Variants in CNTNAP3 observed in about 807,000 individuals in gnomAD.
The protein encoded by CNTNAP3 is contactin-associated protein-like 3.
Under a neutral mutation model 92.1 loss-of-function variants are expected in CNTNAP3, and 36 were observed. The observed-to-expected ratio is 0.39, with a 90% CI of 0.30 to 0.52. The LOEUF (loss-of-function observed/expected upper bound fraction) is 0.52, where lower values mean the gene tolerates loss of function less well. CNTNAP3 is among the 20% of genes least tolerant of loss of function. CNTNAP3 has a pLI of 0.76. For synonymous variants in CNTNAP3, 232 were observed against 422.3 expected, an observed-to-expected ratio of 0.55 and a Z score of 5.53; for missense variants, 534 against 1,069.6, an observed-to-expected ratio of 0.50 and a Z score of 6.98.
At chr9:39,159,636 ATAGATAG>A (rs1822038884) in intron 9 of CNTNAP3, 1 of 135,308 alleles carries the variant, frequency 7.4e-6, no homozygotes, top group Non-Finnish European at 1.5e-5. Context: ...CTGGAGATAG[ATAGATAG>A]ATAGATAGAT....
chr9:39,184,121 G>T (rs1257438099), intron 4 of CNTNAP3, among the ~76,000 whole-genome samples: 6 of 143,570 alleles, frequency 4.2e-5, no homozygotes, highest in Admixed American at 4.1e-4. Flanking sequence ...TATTGCTTGG[G>T]GTATTCAACT....
intron 13 of CNTNAP3, among the ~76,000 whole-genome samples, chr9:39,132,186 T>C (rs1821309821): frequency 6.6e-6 from 1 of 152,078 alleles, no homozygotes; most frequent in Non-Finnish European, 1.5e-5. Flanking sequence ...CAAATTTCAG[T>C]ATTTAACTAT....
rs1322493756 is a variant in CNTNAP3 at position 39,132,950 on chromosome 9, G to C, written c.2062C>G (p.Arg688Gly). The C allele has an allele frequency of 2.6e-6, 4 of 1,546,100 alleles. No homozygotes were observed. The highest frequency in any genetic ancestry group is 1.9e-5 in the Admixed American group (1 of 51,788). ...QRLALRCGTA[R>G]RPDSRDGTPL... ...CGCTTACCTCGTGAGTCCGGGCGCC[G>C]CGCCGTCCCGCAGCGCAGAGCCAGC... Residue 688 changes from arginine (R) to glycine (G), a missense_variant, in exon 13 of 24, where the codon CGG (arginine) becomes GGG (glycine). Coordinates refer to ENST00000297668, the MANE Select transcript of CNTNAP3 (RefSeq NM_033655.5).
At chr9:39,107,366 A>AAGGG (rs1374129043) in intron 15 of CNTNAP3, among the ~76,000 whole-genome samples, 7 of 145,752 alleles carry the variant, frequency 4.8e-5, no homozygotes, top group African/African-American at 1.7e-4. Flanking sequence ...GGGAGGGAGG[A>AAGGG]AGGGAGGGAG....
intron 19 of CNTNAP3, 58 bp from the exon 20 acceptor site, chr9:39,086,907 T>C (rs941359071): frequency 1.4e-5 from 16 of 1,115,776 alleles, no homozygotes; most frequent in Admixed American, 5.0e-5. Context: ...AAACTCTTGA[T>C]ACAGATTCTA....
At position 39,162,836 on chromosome 9, in the gene CNTNAP3, G is replaced by A. The variant is rs541660025; in HGVS notation, c.1477+3097C>T. Among the ~76,000 whole-genome samples the A allele has an allele frequency of 2.7e-5, 4 of 147,064 alleles. No individual in the cohort carries two copies. The South Asian group carries it at 8.5e-4, about 31-fold the overall frequency. On this transcript the variant is annotated intron_variant, in intron 9 of 23. Coordinates refer to ENST00000297668, the MANE Select transcript of CNTNAP3 (RefSeq NM_033655.5). The stretch of plus-strand genomic sequence containing the variant: ...CTTGAGGGTGGAGGGTAGGAGGAGG[G>A]TGAAGATCGAAAAACTACCTACTAG...
intron 13 of CNTNAP3, among the ~76,000 whole-genome samples, chr9:39,124,903 G>A (rs1821120474): frequency 1.3e-5 from 2 of 152,024 alleles, no homozygotes; most frequent in South Asian, 4.1e-4. Flanking sequence ...CTTTTACACT[G>A]TTGGTGGGAC....
intron 13 of CNTNAP3, among the ~76,000 whole-genome samples, chr9:39,125,355 T>C (rs2118008267): frequency 6.6e-6 from 1 of 151,846 alleles, no homozygotes; most frequent in African/African-American, 2.4e-5. Flanking sequence ...CTGGGGCCTG[T>C]CATGGGGTGG....
At chr9:39,121,901 A>G (rs1351853794) in intron 13 of CNTNAP3, among the ~76,000 whole-genome samples, 1 of 152,170 alleles carries the variant, frequency 6.6e-6, no homozygotes, top group Non-Finnish European at 1.5e-5. Flanking sequence ...AAGCTAGTTT[A>G]CTAGAGCCTA....
At chr9:39,119,538 G>C (rs958088992) in intron 13 of CNTNAP3, among the ~76,000 whole-genome samples, 1 of 152,136 alleles carries the variant, frequency 6.6e-6, no homozygotes, top group African/African-American at 2.4e-5. Flanking sequence ...GCAGATTAAA[G>C]AGCAAAACAC....
At position 39,271,932 on chromosome 9, in the gene CNTNAP3, T is replaced by TTG. The variant is rs1296294096; in HGVS notation, c.86-4927_86-4926insCA. ...GGAAAGTTTACATAGTTTTTTTTTT[T>TTG]TTTTTTTTTTTGAGACGGAGCCTTG... On this transcript the variant is annotated intron_variant, in intron 1 of 23. Transcript: ENST00000297668. Among the ~76,000 whole-genome samples the TTG allele has an allele frequency of 8.9e-5, 2 of 22,584 alleles. 1 individual carries two copies. The highest frequency in any genetic ancestry group is 1.6e-3 in the Admixed American group (2 of 1,216). 14.8% of individuals were successfully genotyped at this position (22,584 alleles called of 152,430 possible).
At position 39,183,946 on chromosome 9, in the gene CNTNAP3, G is replaced by T. The variant is rs1822481154; in HGVS notation, c.539-5586C>A. On this transcript the variant is annotated intron_variant, in intron 4 of 23. Transcript: ENST00000297668. ...ACACTGTCACCCAGACCCAGACCCA[G>T]GAAACCAATGATCTACATTCCGTAA... 1.3e-5 allele frequency among the ~76,000 whole-genome samples: 2 copies of T among 148,618 alleles called. 1 individual carries two copies. The highest frequency in any genetic ancestry group is 3.0e-5 in the Non-Finnish European group (2 of 66,724).
At chr9:39,085,333 A>T in intron 21 of CNTNAP3, 1 of 198,028 alleles carries the variant, frequency 5.0e-6, no homozygotes, top group Non-Finnish European at 1.0e-5. Context: ...TAAGATTACC[A>T]GTTTTTTCTC....
At chr9:39,097,782 A>G (rs909720808) in intron 18 of CNTNAP3, among the ~76,000 whole-genome samples, 27 of 147,942 alleles carry the variant, frequency 1.8e-4, no homozygotes, top group African/African-American at 6.4e-4. Flanking sequence ...CTTGGCTTAA[A>G]TGCCTCAAAC....
rs1178975952 is a variant in CNTNAP3 at position 39,253,014 on chromosome 9, T to TACAC, written c.197-13832_197-13829dup. ...ATGTATATATTCCTGCAACTGAATA[T>TACAC]ACACACACACACACACACACACACA... On this transcript the variant is annotated intron_variant, in intron 2 of 23. Transcript: ENST00000297668. 0.018 allele frequency among the ~76,000 whole-genome samples: 66 copies of TACAC among 3,600 alleles called. 19 individuals are homozygous for TACAC. In the Non-Finnish European group the frequency reaches 0.25, roughly 14 times the overall value. 2.4% of individuals were successfully genotyped at this position (3,600 alleles called of 152,430 possible). A position where few individuals can be genotyped will look rare whatever the true frequency, so the allele number is the denominator to read the frequency against.
chr9:39,102,522 T>C lies in CNTNAP3; in HGVS notation c.2730A>G (p.Leu910=). 6.7e-7 allele frequency: 1 copy of C among 1,500,744 alleles called. No individual in the cohort carries two copies. Among genetic ancestry groups the C allele is most frequent in the Non-Finnish European group, 9.0e-7 (1 of 1,105,610 alleles). 93.0% of individuals were successfully genotyped at this position (1,500,744 alleles called of 1,614,324 possible). The change falls in exon 17 of 24, where the codon TTA becomes TTG. Residue 910 remains leucine (L), a synonymous_variant. Transcript: ENST00000297668. The part of the protein sequence containing the change: ...QPAPADGHVR[L]QLNSQLFIGG... Reference sequence around the variant, plus strand: ...CAATGAAGAGCTGGCTGTTGAGCTGTAAACGAACGTGCCCATCAGCAGGGG... The same window carrying C: ...CAATGAAGAGCTGGCTGTTGAGCTGCAAACGAACGTGCCCATCAGCAGGGG...
chr9:39,138,263 CAT>C (rs767071501), intron 12 of CNTNAP3, among the ~76,000 whole-genome samples: 7 of 152,076 alleles, frequency 4.6e-5, no homozygotes, highest in Admixed American at 6.5e-5. Flanking sequence ...CTATAAGTAA[CAT>C]GTGTGGGAAG....
intron 13 of CNTNAP3, among the ~76,000 whole-genome samples, chr9:39,118,871 T>C (rs1820933863): frequency 1.3e-5 from 2 of 152,214 alleles, no homozygotes; most frequent in African/African-American, 4.8e-5. Flanking sequence ...CAAAGTGCCC[T>C]GGGTCAACTA....
intron 10 of CNTNAP3, among the ~76,000 whole-genome samples, chr9:39,147,681 G>T (rs1713386963): frequency 6.6e-6 from 1 of 152,142 alleles, no homozygotes; most frequent in African/African-American, 2.4e-5. Context: ...AGTAACTTTG[G>T]GGTACAATTT....
Sources: allele counts gnomAD v4.1 joint callset (sites outside exome capture counted in the v4.1 genomes callset), GRCh38; gene constraint gnomAD v4.1.1; transcripts MANE v1.5; gene names NCBI Gene and HGNC (gene_info 2026-07-23, HGNC 2026-07-21).